Variants in ATXN1 observed in about 807,000 individuals in gnomAD.
ATXN1 encodes ataxin-1.
A neutral mutation model predicts 56.4 loss-of-function variants in ATXN1; 8 were observed. That is an observed-to-expected ratio of 0.14 (90% confidence interval 0.08 to 0.26). The LOEUF is 0.26. ATXN1 is among the 10% of genes least tolerant of loss of function. The pLI is 1.00. For synonymous variants in ATXN1, 514 were observed against 494.6 expected (o/e 1.04, Z -0.52); for missense variants, 987 against 1,106.5 (o/e 0.89, Z 1.53).
At chr6:16,466,385 C>G (rs920477148) in intron 6 of ATXN1, among the ~76,000 whole-genome samples, 1 of 138,058 alleles carries the variant, frequency 7.2e-6, no homozygotes, top group Non-Finnish European at 1.6e-5. Context: ...AAGAGGATAA[C>G]TCTCTATCAA....
intron 4 of ATXN1, among the ~76,000 whole-genome samples, chr6:16,555,400 T>G (rs1313995485): frequency 1.3e-5 from 2 of 152,172 alleles, no homozygotes; most frequent in Non-Finnish European, 2.9e-5. Flanking sequence ...CTTGGTCAAG[T>G]TCACACAGCC....
intron 6 of ATXN1, among the ~76,000 whole-genome samples, chr6:16,374,923 T>G (rs1762113514): frequency 1.3e-5 from 2 of 152,266 alleles, no homozygotes; most frequent in Admixed American, 6.5e-5. Context: ...TGTCTAATTC[T>G]GTAGGCATGC....
intron 6 of ATXN1, among the ~76,000 whole-genome samples, chr6:16,424,990 T>C (rs1759119972): frequency 6.6e-6 from 1 of 152,216 alleles, no homozygotes; most frequent in African/African-American, 2.4e-5. Flanking sequence ...GAATGGCAGT[T>C]TCTGGTACCT....
chr6:16,752,204 G>C (rs1199352386), intron 2 of ATXN1, among the ~76,000 whole-genome samples: 3 of 152,166 alleles, frequency 2.0e-5, no homozygotes, highest in Non-Finnish European at 4.4e-5. Context: ...TGAAAAATGA[G>C]TTTTGAAAAT....
chr6:16,368,849 C>T, intron 6 of ATXN1, among the ~76,000 whole-genome samples: 1 of 152,188 alleles, frequency 6.6e-6, no homozygotes, highest in Non-Finnish European at 1.5e-5. Context: ...TTAGAAAGTG[C>T]TAAATGGAGA....
chr6:16,338,679 A>G (rs1235656353), intron 6 of ATXN1, among the ~76,000 whole-genome samples: 1 of 152,076 alleles, frequency 6.6e-6, no homozygotes, highest in Admixed American at 6.6e-5. Flanking sequence ...TTCAATAAAC[A>G]TTTCCTCATG....
At chr6:16,361,583 A>T (rs569661553) in intron 6 of ATXN1, among the ~76,000 whole-genome samples, 1 of 152,370 alleles carries the variant, frequency 6.6e-6, no homozygotes, top group Admixed American at 6.5e-5. Context: ...TAAACAAATC[A>T]AAGGACATTG....
At chr6:16,621,450 G>A (rs1021693434) in intron 3 of ATXN1, among the ~76,000 whole-genome samples, 1 of 152,234 alleles carries the variant, frequency 6.6e-6, no homozygotes, top group Admixed American at 6.5e-5. Flanking sequence ...GGCCAGGCCC[G>A]GCGGCTCATG....
chr6:16,319,888 C>A (rs2113396085), intron 7 of ATXN1, among the ~76,000 whole-genome samples: 1 of 151,328 alleles, frequency 6.6e-6, no homozygotes, highest in East Asian at 1.9e-4. Flanking sequence ...GTACAAAGAC[C>A]CACAAACAAA....
chr6:16,354,281 G>A (rs1761638540), intron 6 of ATXN1, among the ~76,000 whole-genome samples: 1 of 150,630 alleles, frequency 6.6e-6, no homozygotes, highest in African/African-American at 2.4e-5. Context: ...TTTTTGAGAT[G>A]GAGTCTCGCT....
chr6:16,638,927 T>C (rs772980205), intron 3 of ATXN1, among the ~76,000 whole-genome samples: 5 of 152,014 alleles, frequency 3.3e-5, no homozygotes, highest in Non-Finnish European at 7.4e-5. Context: ...AGAAGTGGTA[T>C]TGAGAGGTGA....
rs1180798356 is a variant in ATXN1, at chr6:16,341,514, A to ATT, written c.-160-13046_-160-13045dup. Among the ~76,000 whole-genome samples, 296 of 122,678 alleles carry ATT rather than the reference A, an allele frequency of 2.4e-3. 2 individuals carry two copies. Among genetic ancestry groups the ATT allele is most frequent in the East Asian group, 6.5e-3 (26 of 3,988 alleles). The allele number at this position is 122,678 out of a possible 152,430, so 80.5% of individuals were successfully genotyped here. On this transcript the variant is annotated intron_variant, in intron 6 of 7. Coordinates refer to ENST00000436367, the MANE Select transcript of ATXN1 (RefSeq NM_001128164.2). ...GAGGTGAGAACCTCTGGTATAGAGG[A>ATT]TTTTTTTTTTTTTTTTTTTTTTGAG...
intron 6 of ATXN1, among the ~76,000 whole-genome samples, chr6:16,418,676 T>C (rs1014872465): frequency 1.5e-4 from 22 of 149,756 alleles, no homozygotes; most frequent in African/African-American, 5.4e-4. Context: ...TCATTTAGCA[T>C]TAGGTATATC....
At chr6:16,323,932 TC>T (rs1229363077) in intron 7 of ATXN1, among the ~76,000 whole-genome samples, 1 of 152,090 alleles carries the variant, frequency 6.6e-6, no homozygotes, top group Non-Finnish European at 1.5e-5. Flanking sequence ...ATCCTGATTT[TC>T]TTTTTTTTTT....
chr6:16,500,499 C>T (rs1370917869), intron 5 of ATXN1, among the ~76,000 whole-genome samples: 1 of 152,160 alleles, frequency 6.6e-6, no homozygotes, highest in Non-Finnish European at 1.5e-5. Context: ...AAGAGAATAG[C>T]AGGCACTACC....
intron 4 of ATXN1, among the ~76,000 whole-genome samples, chr6:16,570,834 T>C (rs1313364508): frequency 1.3e-5 from 2 of 152,194 alleles, no homozygotes; most frequent in Non-Finnish European, 2.9e-5. Context: ...TCCAAAACCC[T>C]AGCTTTCTAC....
At chr6:16,745,069 A>G (rs550323938) in intron 2 of ATXN1, among the ~76,000 whole-genome samples, 14 of 152,376 alleles carry the variant, frequency 9.2e-5, no homozygotes, top group African/African-American at 3.1e-4. Context: ...CATCTCTGAG[A>G]GGGATCAAAG....
intron 5 of ATXN1, among the ~76,000 whole-genome samples, chr6:16,512,178 C>T (rs751744409): frequency 1.3e-5 from 2 of 152,196 alleles, no homozygotes; most frequent in Non-Finnish European, 2.9e-5. Flanking sequence ...GAAGTTCTGC[C>T]ACCACGGCAG....
At chr6:16,728,468 G>C (rs1347359357) in intron 2 of ATXN1, among the ~76,000 whole-genome samples, 4 of 152,150 alleles carry the variant, frequency 2.6e-5, no homozygotes, top group Admixed American at 6.5e-5. Context: ...CTGGGATGTA[G>C]GACAGAAACC....
Sources: gnomAD v4.1 joint callset for allele counts (sites outside exome capture counted in the v4.1 genomes callset) on GRCh38, gnomAD v4.1.1 for gene constraint, MANE v1.5 for transcripts, NCBI Gene and HGNC (gene_info 2026-07-23, HGNC 2026-07-21) for gene names.